Variants in EYS observed in about 807,000 individuals in gnomAD.
EYS encodes the protein protein eyes shut homolog.
Under a neutral mutation model 282.1 loss-of-function variants are expected in EYS, and 250 were observed. The ratio of observed to expected loss-of-function variants is 0.89; its 90% confidence interval spans 0.80 to 0.98. The LOEUF (loss-of-function observed/expected upper bound fraction) is 0.98. Ranked by LOEUF, EYS falls within the 50% of genes least tolerant of loss-of-function variation. The pLI is 0.00. For synonymous variants in EYS, 1,355 were observed against 1,282.9 expected (o/e 1.06, Z -1.20); for missense variants, 4,016 against 3,709.0 (o/e 1.08, Z -2.15).
intron 35 of EYS, among the ~76,000 whole-genome samples, chr6:63,980,256 A>T (rs929424070): frequency 6.6e-6 from 1 of 151,620 alleles, no homozygotes; most frequent in Non-Finnish European, 1.5e-5. Flanking sequence ...ACAGATTAGA[A>T]TGCTCAAGAG....
intron 12 of EYS, among the ~76,000 whole-genome samples, chr6:65,114,575 G>C (rs188127371): frequency 2.2e-4 from 33 of 151,662 alleles, no homozygotes; most frequent in African/African-American, 8.0e-4. Flanking sequence ...TCCAGAAGTG[G>C]AAAAAATCTA....
At chr6:64,674,365 AT>A (rs533829479) in intron 22 of EYS, among the ~76,000 whole-genome samples, 8 of 150,162 alleles carry the variant, frequency 5.3e-5, no homozygotes, top group Admixed American at 1.3e-4. Flanking sequence ...AAGTGTGTCC[AT>A]TTTTTTTTCT....
chr6:64,585,467 A>C (rs1340953460), intron 26 of EYS, among the ~76,000 whole-genome samples: 1 of 152,094 alleles, frequency 6.6e-6, no homozygotes, highest in African/African-American at 2.4e-5. Context: ...ATCTAAAATA[A>C]ATGTTGAAAC....
chr6:65,439,238 G>A (rs976380556), intron 5 of EYS, among the ~76,000 whole-genome samples: 1 of 152,156 alleles, frequency 6.6e-6, no homozygotes, highest in Non-Finnish European at 1.5e-5. Context: ...ACAGTACCAA[G>A]CTGTTTTGGT....
intron 12 of EYS, among the ~76,000 whole-genome samples, chr6:65,188,898 C>T (rs1195659767): frequency 2.6e-5 from 4 of 151,416 alleles, no homozygotes. Context: ...TTGCCAGTAT[C>T]ATGACTAGCC....
intron 35 of EYS, among the ~76,000 whole-genome samples, chr6:63,927,764 C>T (rs1764760286): frequency 6.6e-6 from 1 of 152,204 alleles, no homozygotes; most frequent in Non-Finnish European, 1.5e-5. Flanking sequence ...GCTTCTGAGA[C>T]AGACGCTGGG....
intron 5 of EYS, among the ~76,000 whole-genome samples, chr6:65,408,691 T>C (rs1766858258): frequency 6.6e-6 from 1 of 152,156 alleles, no homozygotes; most frequent in Non-Finnish European, 1.5e-5. Context: ...TTTCATTGAT[T>C]TTCTCTAAGA....
intron 40 of EYS, among the ~76,000 whole-genome samples, chr6:63,764,293 G>A (rs927335691): frequency 6.6e-6 from 1 of 151,880 alleles, no homozygotes; most frequent in East Asian, 1.9e-4. Flanking sequence ...ACGGAAAATT[G>A]TATAGGGTTC....
At chr6:65,635,602 C>T (rs181768023) in intron 2 of EYS, among the ~76,000 whole-genome samples, 1 of 152,310 alleles carries the variant, frequency 6.6e-6, no homozygotes, top group East Asian at 1.9e-4. Context: ...GCACGAGCCA[C>T]AGCACCCATT....
intron 26 of EYS, among the ~76,000 whole-genome samples, chr6:64,483,939 T>G (rs1776509672): frequency 6.6e-6 from 1 of 151,710 alleles, no homozygotes; most frequent in Non-Finnish European, 1.5e-5. Context: ...AGAGGCTTTT[T>G]ACGAACTCAG....
intron 13 of EYS, among the ~76,000 whole-genome samples, chr6:65,010,988 A>G (rs920486063): frequency 6.6e-6 from 1 of 152,200 alleles, no homozygotes; most frequent in Non-Finnish European, 1.5e-5. Flanking sequence ...AAGAGCCACA[A>G]GGCAGGACCC....
At chr6:64,319,243 C>CGTT (rs1439157584) in intron 29 of EYS, among the ~76,000 whole-genome samples, 1 of 151,984 alleles carries the variant, frequency 6.6e-6, no homozygotes, top group Non-Finnish European at 1.5e-5. Flanking sequence ...ACAAAAACAA[C>CGTT]TTCAATAGTT....
rs551117037 is a variant in EYS, at chr6:64,592,059, A to T, written c.3878-70T>A. 8.1e-5 allele frequency: 94 copies of T among 1,154,946 alleles called. No individual in the cohort carries two copies. In the South Asian group the frequency reaches 1.3e-3, roughly 16 times the overall value. 71.5% of individuals were successfully genotyped at this position (1,154,946 alleles called of 1,614,324 possible). The stretch of plus-strand genomic sequence containing the variant: ...AAACGAACCACTTTGGCACTGGGAT[A>T]AATCTCAGGCAAATTGCACTGGCAC... On this transcript the variant is annotated intron_variant, in intron 25 of 42. Transcript: ENST00000503581.
chr6:64,592,037 C>G (rs971912501), intron 25 of EYS, 48 bp from the exon 26 acceptor site: 6 of 1,363,502 alleles, frequency 4.4e-6, no homozygotes, highest in Admixed American at 3.0e-5. Context: ...GAATCAGAAA[C>G]GAACCACTTT....
intron 30 of EYS, among the ~76,000 whole-genome samples, chr6:64,291,340 T>C (rs1056893060): frequency 1.3e-5 from 2 of 152,036 alleles, no homozygotes; most frequent in African/African-American, 4.8e-5. Flanking sequence ...TAACCTCAAA[T>C]AGTAACATCT....
intron 12 of EYS, among the ~76,000 whole-genome samples, chr6:65,197,214 A>G (rs1209627702): frequency 6.6e-6 from 1 of 152,106 alleles, no homozygotes; most frequent in Admixed American, 6.6e-5. Flanking sequence ...TAACGACGCT[A>G]AAATAAATAT....
intron 12 of EYS, among the ~76,000 whole-genome samples, chr6:65,259,813 G>T (rs2150257245): frequency 6.6e-6 from 1 of 152,108 alleles, no homozygotes; most frequent in East Asian, 1.9e-4. Context: ...CAAAAGTACA[G>T]AATAATGAAA....
At chr6:65,022,707 A>T (rs988147275) in intron 13 of EYS, among the ~76,000 whole-genome samples, 1 of 149,288 alleles carries the variant, frequency 6.7e-6, no homozygotes, top group Non-Finnish European at 1.5e-5. Context: ...ATTATTTTTT[A>T]AACATAAATA....
At chr6:64,607,573 CT>C (rs141707827) in intron 24 of EYS, among the ~76,000 whole-genome samples, 1 of 152,158 alleles carries the variant, frequency 6.6e-6, no homozygotes, top group East Asian at 1.9e-4. Flanking sequence ...ACTGAATCAC[CT>C]CCCAAAAGCC....
Sources: gnomAD v4.1 joint callset for allele counts (sites outside exome capture counted in the v4.1 genomes callset) on GRCh38, gnomAD v4.1.1 for gene constraint, MANE v1.5 for transcripts, NCBI Gene and HGNC (gene_info 2026-07-23, HGNC 2026-07-21) for gene names.